Variants in CNOT10 observed in about 807,000 individuals in gnomAD.
The protein encoded by CNOT10 is CCR4-NOT transcription complex subunit 10.
CNOT10 carries 30 observed loss-of-function variants against 94.6 expected under a neutral mutation model. That is an observed-to-expected ratio of 0.32 (90% CI 0.24 to 0.43). The LOEUF (loss-of-function observed/expected upper bound fraction) is 0.43, where lower values mean the gene tolerates loss of function less well. Among genes scored for constraint, CNOT10 ranks in the 20% least tolerant of loss-of-function variants. CNOT10 has a pLI of 1.00. For synonymous variants in CNOT10, 289 were observed against 301.6 expected (o/e 0.96, Z 0.43); for missense variants, 759 against 877.2 (o/e 0.87, Z 1.70).
rs1185278079 is a variant in CNOT10, at chr3:32,703,940, C to G, written c.95C>G (p.Thr32Ser). ...GITDQEKELS[T>S]NAFQAFTSGN... ...ACTGATCAAGAGAAGGAGTTATCCA[C>G]CAATGCTTTCCAAGCTTTCACAGTA... Residue 32 changes from threonine to serine, a missense_variant, in exon 2 of 19, where the codon ACC becomes AGC. Coordinates refer to ENST00000328834, the MANE Select transcript of CNOT10 (RefSeq NM_015442.3). 1 of 1,612,228 alleles carries G rather than the reference C, an allele frequency of 6.2e-7. No homozygotes were observed. Among genetic ancestry groups the G allele is most frequent in the Non-Finnish European group, 8.5e-7 (1 of 1,178,474 alleles).
At position 32,685,246 on chromosome 3, in the gene CNOT10, C is replaced by T. The variant is rs1193558146; in HGVS notation, c.-215C>T. The T allele has an allele frequency of 1.7e-5, 9 of 537,568 alleles. No homozygotes were observed. Among genetic ancestry groups the T allele is most frequent in the East Asian group, 9.9e-5 (3 of 30,198 alleles). The allele number at this position is 537,568 out of a possible 1,614,324, so 33.3% of individuals were successfully genotyped here. A position where few individuals can be genotyped will look rare whatever the true frequency, so the allele number is the denominator to read the frequency against. On this transcript the variant is annotated 5_prime_UTR_variant, in exon 1 of 19. Transcript: ENST00000328834. Reference sequence around the variant, plus strand: ...TGTATGGCGGGAGGCTGTGGCGGTCCCTTGGTGGGGAAGCTGTTGCTGTTG... The same window carrying T: ...TGTATGGCGGGAGGCTGTGGCGGTCTCTTGGTGGGGAAGCTGTTGCTGTTG...
Position 32,713,318 on chromosome 3 carries a change from C to T in CNOT10, c.522C>T (p.Val174=). The T allele has an allele frequency of 6.2e-7, 1 of 1,603,084 alleles. No homozygotes were observed. The highest frequency in any genetic ancestry group is 8.5e-7 in the Non-Finnish European group (1 of 1,176,882). ...QAEKALHLLA[V]LEKMISQGNN... ...AGAAAGCTTTGCATCTTCTTGCTGTCCTAGAAAAAATGATTTCACAGGGTA... is the reference window on the plus strand; with the variant it reads ...AGAAAGCTTTGCATCTTCTTGCTGTTCTAGAAAAAATGATTTCACAGGGTA... The change falls in exon 5 of 19, where the codon GTC becomes GTT. Residue 174 remains valine, a synonymous_variant. Coordinates refer to ENST00000328834, the MANE Select transcript of CNOT10 (RefSeq NM_015442.3).
chr3:32,711,893 A>G (rs1243720816), intron 4 of CNOT10, among the ~76,000 whole-genome samples: 3 of 152,242 alleles, frequency 2.0e-5, no homozygotes, highest in African/African-American at 4.8e-5. Flanking sequence ...CCTTGGAGAT[A>G]TATGACCTTT....
At chr3:32,764,197 G>A in intron 15 of CNOT10, 2 of 402,330 alleles carry the variant, frequency 5.0e-6, no homozygotes, top group Non-Finnish European at 8.7e-6. Context: ...ACTAGCCAGG[G>A]ATGGTGGCAC....
At chr3:32,728,447 C>T (rs1166658481) in intron 10 of CNOT10, among the ~76,000 whole-genome samples, 1 of 151,448 alleles carries the variant, frequency 6.6e-6, no homozygotes, top group East Asian at 2.0e-4. Context: ...ATAGTGAGAC[C>T]TCCATCTCTA....
Position 32,754,506 on chromosome 3 carries a change from A to ATATATG in CNOT10, c.1596-4949_1596-4948insATGTAT, listed in dbSNP as rs1700131606. On this transcript the variant is annotated intron_variant, in intron 13 of 18. Transcript: ENST00000328834. ...AAAAAAAAAATACATATATATATAT[A>ATATATG]TATTTATTTTACTTTTTTTTTTTTT... is the stretch of plus-strand genomic sequence containing the variant. Among the ~76,000 whole-genome samples, 3 of 104,432 alleles carry ATATATG rather than the reference A, an allele frequency of 2.9e-5. No homozygotes were observed. In the Admixed American group the frequency reaches 3.1e-4, roughly 11 times the overall value. The allele number at this position is 104,432 out of a possible 152,430, so 68.5% of individuals were successfully genotyped here. A position where few individuals can be genotyped will look rare whatever the true frequency, so the allele number is the denominator to read the frequency against.
intron 1 of CNOT10, among the ~76,000 whole-genome samples, chr3:32,689,368 AG>A (rs138422347): frequency 5.0e-4 from 76 of 151,250 alleles, no homozygotes; most frequent in African/African-American, 1.8e-3. Flanking sequence ...AAAAAAAAAA[AG>A]AAAAAGAAAA....
Position 32,740,153 on chromosome 3 carries a change from G to C in CNOT10, c.1595+2663G>C, listed in dbSNP as rs112419184. On this transcript the variant is annotated intron_variant, in intron 13 of 18. Coordinates refer to ENST00000328834, the MANE Select transcript of CNOT10 (RefSeq NM_015442.3). ...TACCCTCTACCCAGTTTTCTCAAAG[G>C]CAACTTCTTACAGAACTTTAGTACA... Among the ~76,000 whole-genome samples, 8 of 152,146 alleles carry C rather than the reference G, an allele frequency of 5.3e-5. No individual in the cohort carries two copies. The South Asian group carries it at 1.7e-3, about 32-fold the overall frequency.
At chr3:32,738,038 G>C (rs537031360) in intron 13 of CNOT10, among the ~76,000 whole-genome samples, 5 of 152,086 alleles carry the variant, frequency 3.3e-5, no homozygotes, top group Non-Finnish European at 2.9e-5. Flanking sequence ...AAATGATTTT[G>C]TCAGATTTGG....
At chr3:32,756,821 A>G (rs1700241806) in intron 13 of CNOT10, among the ~76,000 whole-genome samples, 1 of 152,154 alleles carries the variant, frequency 6.6e-6, no homozygotes. Flanking sequence ...ATGAAAATGG[A>G]TATCGGGCCG....
intron 1 of CNOT10, chr3:32,695,927 T>C (rs1697032585): frequency 2.3e-6 from 2 of 876,808 alleles, no homozygotes; most frequent in South Asian, 3.3e-5. Flanking sequence ...TCGAGAAATG[T>C]ACAAATACAC....
rs767447727 is a variant in CNOT10, at chr3:32,704,005, T to C, written c.117+43T>C. The C allele has an allele frequency of 7.5e-6, 9 of 1,206,224 alleles. No individual in the cohort carries two copies. The South Asian group carries it at 1.2e-4, about 16-fold the overall frequency. The allele number at this position is 1,206,224 out of a possible 1,614,324, so 74.7% of individuals were successfully genotyped here. A position where few individuals can be genotyped will look rare whatever the true frequency, so the allele number is the denominator to read the frequency against. ...TTAGTCTGCTCAAGTTGTAGGGTTCTGTCAAGTATGAATCTTTTCATAGTG... is the reference window on the plus strand; with the variant it reads ...TTAGTCTGCTCAAGTTGTAGGGTTCCGTCAAGTATGAATCTTTTCATAGTG... On this transcript the variant is annotated intron_variant, in intron 2 of 18. Transcript: ENST00000328834.
At chr3:32,692,822 G>C (rs983890248) in intron 1 of CNOT10, among the ~76,000 whole-genome samples, 2 of 152,196 alleles carry the variant, frequency 1.3e-5, no homozygotes, top group Non-Finnish European at 2.9e-5. Flanking sequence ...AAGGTAGGCA[G>C]ATCGCTTGAG....
intron 10 of CNOT10, among the ~76,000 whole-genome samples, chr3:32,728,576 G>A (rs565925777): frequency 1.8e-4 from 28 of 152,102 alleles, no homozygotes; most frequent in Admixed American, 3.3e-4. Context: ...TAGAGCCACT[G>A]CACTCCACCT....
rs1697494104 is a variant in CNOT10 at position 32,703,975 on chromosome 3, TTC to T, written c.117+17_117+18del. The T allele has an allele frequency of 6.5e-7, 1 of 1,549,392 alleles. No individual in the cohort carries two copies. Among genetic ancestry groups the T allele is most frequent in the Non-Finnish European group, 8.9e-7 (1 of 1,121,248 alleles). The stretch of plus-strand genomic sequence containing the variant: ...CCAAGCTTTCACAGTAAGAAATGGC[TTC>T]TCTTAGTCTGCTCAAGTTGTAGGGT... On this transcript the variant is annotated intron_variant, in intron 2 of 18. Transcript: ENST00000328834.
intron 5 of CNOT10, chr3:32,715,945 A>G: frequency 4.2e-6 from 1 of 238,500 alleles, no homozygotes; most frequent in Non-Finnish European, 8.0e-6. Context: ...AGCTGGGACT[A>G]CAGGTACATG....
chr3:32,694,373 G>C (rs139484135), intron 1 of CNOT10, among the ~76,000 whole-genome samples: 1 of 151,870 alleles, frequency 6.6e-6, no homozygotes, highest in African/African-American at 2.4e-5. Context: ...GTCTAAGTTC[G>C]GTGTAAAAAT....
At chr3:32,773,066 C>T (rs1370162439) in intron 18 of CNOT10, among the ~76,000 whole-genome samples, 1 of 152,224 alleles carries the variant, frequency 6.6e-6, no homozygotes, top group East Asian at 1.9e-4. Context: ...GGGGTTTCAC[C>T]ATGGTACCCA....
chr3:32,724,337 C>T (rs536806348), intron 8 of CNOT10, among the ~76,000 whole-genome samples: 1 of 149,764 alleles, frequency 6.7e-6, no homozygotes, highest in Non-Finnish European at 1.5e-5. Flanking sequence ...CCTCTGCCCT[C>T]TAGGGCCAAG....
Sources: gnomAD v4.1 joint callset for allele counts (sites outside exome capture counted in the v4.1 genomes callset) on GRCh38, gnomAD v4.1.1 for gene constraint, MANE v1.5 for transcripts, NCBI Gene and HGNC (gene_info 2026-07-23, HGNC 2026-07-21) for gene names.